USP15: variants seen among roughly 807,000 people sequenced by gnomAD.
USP15 encodes ubiquitin specific peptidase 15.
USP15 carries 18 observed loss-of-function variants against 127.1 expected under a neutral mutation model. The observed-to-expected ratio is 0.14, with a 90% CI of 0.10 to 0.21. The LOEUF is 0.21. Among genes scored for constraint, USP15 ranks in the 10% least tolerant of loss-of-function variants. USP15 has a pLI of 1.00. For synonymous variants in USP15, 364 were observed against 393.7 expected (o/e 0.92, Z 0.89); for missense variants, 805 against 1,159.9 (o/e 0.69, Z 4.44).
intron 1 of USP15, among the ~76,000 whole-genome samples, chr12:62,277,973 G>A (rs986435430): frequency 3.3e-5 from 5 of 152,000 alleles, no homozygotes; most frequent in African/African-American, 1.2e-4. Context: ...TGTTTTAAAT[G>A]TTTTTGACTC....
rs146096027 is a variant in USP15, at chr12:62,264,902, C to T, written c.89+4399C>T. The stretch of plus-strand genomic sequence containing the variant: ...TACGACCAGAGTAGGGTATATACTA[C>T]ATCATTTATAGGAAATGAAACTAAA... On this transcript the variant is annotated intron_variant, in intron 1 of 21. Coordinates refer to ENST00000280377, the MANE Select transcript of USP15 (RefSeq NM_001252078.2). Among the ~76,000 whole-genome samples the T allele has an allele frequency of 4.5e-3, 691 of 152,250 alleles. 6 individuals carry two copies. Among genetic ancestry groups the T allele is most frequent in the African/African-American group, 0.015 (638 of 41,528 alleles).
At chr12:62,403,564 G>A (rs1257977343) in intron 21 of USP15, among the ~76,000 whole-genome samples, 1 of 152,082 alleles carries the variant, frequency 6.6e-6, no homozygotes, top group Non-Finnish European at 1.5e-5. Flanking sequence ...GAGTTGAGAA[G>A]TGTGCATGAG....
rs1294380769 is a variant in USP15, at chr12:62,410,631, A to C, written c.*6256A>C. 1 of 152,160 alleles carries C rather than the reference A, an allele frequency of 6.6e-6. No individual in the cohort carries two copies. The highest frequency in any genetic ancestry group is 1.5e-5 in the Non-Finnish European group (1 of 68,014). The allele number at this position is 152,160 out of a possible 1,614,324, so 9.4% of individuals were successfully genotyped here. Reference sequence around the variant, plus strand: ...ATATGGTAGGAAACATTCTACACTTACAACAACTTCCACCATAGCTAGCTC... The same window carrying C: ...ATATGGTAGGAAACATTCTACACTTCCAACAACTTCCACCATAGCTAGCTC... On this transcript the variant is annotated 3_prime_UTR_variant, in exon 22 of 22. Transcript: ENST00000280377.
chr12:62,318,485 C>T (rs1020960858), intron 4 of USP15, among the ~76,000 whole-genome samples: 4 of 152,168 alleles, frequency 2.6e-5, no homozygotes, highest in Non-Finnish European at 5.9e-5. Context: ...TTCTCACTGG[C>T]TGCATCTTGT....
chr12:62,328,201 T>A (rs190724556), intron 6 of USP15: 2 of 377,546 alleles, frequency 5.3e-6, no homozygotes, highest in African/African-American at 4.2e-5. Context: ...ACTGAGAAAA[T>A]TCAGCAAGGT....
intron 20 of USP15, among the ~76,000 whole-genome samples, chr12:62,400,706 A>G (rs141264099): frequency 7.6e-4 from 115 of 152,198 alleles, no homozygotes; most frequent in African/African-American, 2.6e-3. Context: ...ATTTCAAACT[A>G]TGAAGTCAGA....
chr12:62,401,339 T>A (rs1460850497), intron 21 of USP15, 64 bp downstream of exon 21: 5 of 1,277,898 alleles, frequency 3.9e-6, no homozygotes, highest in Non-Finnish European at 4.4e-6. Flanking sequence ...GAATATAAAT[T>A]AATAAAAGGG....
In USP15 at chr12:62,375,497, A is replaced by G. The variant is rs561016355; in HGVS notation, c.916-5993A>G. On this transcript the variant is annotated intron_variant, in intron 8 of 21. Coordinates refer to ENST00000280377, the MANE Select transcript of USP15 (RefSeq NM_001252078.2). ...GATATTGTGATAGACCCTGAGGTAC[A>G]AGGGTGAATAAGACATAGACTCTGC... Among the ~76,000 whole-genome samples the G allele has an allele frequency of 1.1e-3, 174 of 152,274 alleles. 1 individual carries two copies. Among genetic ancestry groups the G allele is most frequent in the South Asian group, 2.9e-3 (14 of 4,824 alleles).
At chr12:62,315,560 G>T (rs1226856803) in intron 4 of USP15, among the ~76,000 whole-genome samples, 2 of 152,024 alleles carry the variant, frequency 1.3e-5, no homozygotes, top group African/African-American at 4.8e-5. Context: ...TAAAACTCAA[G>T]AATTTTTAAA....
intron 1 of USP15, among the ~76,000 whole-genome samples, chr12:62,287,839 G>T (rs1019881706): frequency 1.3e-5 from 2 of 152,044 alleles, no homozygotes; most frequent in African/African-American, 4.8e-5. Flanking sequence ...ACCATTTATT[G>T]AATAGGGTCT....
chr12:62,356,749 G>C (rs1460513267), intron 8 of USP15, among the ~76,000 whole-genome samples: 2 of 151,936 alleles, frequency 1.3e-5, no homozygotes, highest in Non-Finnish European at 2.9e-5. Flanking sequence ...TAGACATAGA[G>C]ACAATTTAAA....
chr12:62,322,197 G>A (rs143466143), intron 5 of USP15, among the ~76,000 whole-genome samples: 1 of 152,002 alleles, frequency 6.6e-6, no homozygotes, highest in Non-Finnish European at 1.5e-5. Flanking sequence ...ATGCAATCTC[G>A]GCTCACTGCA....
chr12:62,380,503 ACT>A (rs781344000), intron 8 of USP15, among the ~76,000 whole-genome samples: 6 of 151,550 alleles, frequency 4.0e-5, no homozygotes, highest in Non-Finnish European at 7.4e-5. Context: ...GCTTCGAAAA[ACT>A]CTGATTTCCA....
In USP15 at chr12:62,381,619, A is replaced by G; in HGVS notation, c.1045A>G (p.Met349Val). 1 of 1,612,776 alleles carries G rather than the reference A, an allele frequency of 6.2e-7. No homozygotes were observed. Among genetic ancestry groups the G allele is most frequent in the East Asian group, 2.2e-5 (1 of 44,836 alleles). The change falls in exon 9 of 22, where the codon ATG becomes GTG. Residue 349 changes from methionine (M) to valine (V), a missense_variant. This residue lies in a region of USP15 where 84 missense variants were observed against 210.3 expected (regional missense o/e 0.40). Coordinates refer to ENST00000280377, the MANE Select transcript of USP15 (RefSeq NM_001252078.2). ...ATCTTATGCCGAACTGATCAAGCAA[A>G]TGTGGTCTGGAAAGTTTAGCTACGT... ...AKSYAELIKQ[M>V]WSGKFSYVTP... is the part of the protein sequence containing the mutation.
intron 1 of USP15, chr12:62,274,030 G>A (rs562335707): frequency 1.4e-4 from 21 of 152,164 alleles, no homozygotes; most frequent in African/African-American, 4.8e-4. Flanking sequence ...CTAGGCATCT[G>A]TTACATTTCT....
At chr12:62,376,301 T>C (rs988043771) in intron 8 of USP15, among the ~76,000 whole-genome samples, 3 of 152,122 alleles carry the variant, frequency 2.0e-5, no homozygotes, top group Non-Finnish European at 4.4e-5. Flanking sequence ...ATTGGAACTA[T>C]TAGTACAAAG....
intron 9 of USP15, among the ~76,000 whole-genome samples, 173 bp from the exon 10 acceptor site, chr12:62,383,667 A>T (rs1411171181): frequency 6.6e-6 from 1 of 151,932 alleles, no homozygotes; most frequent in African/African-American, 2.4e-5. Context: ...ATTTTTTGCC[A>T]CTCTGAAAAT....
intron 1 of USP15, among the ~76,000 whole-genome samples, chr12:62,281,186 T>C (rs961056193): frequency 6.6e-6 from 1 of 152,184 alleles, no homozygotes; most frequent in African/African-American, 2.4e-5. Flanking sequence ...TATATAAATG[T>C]ATTGAAATAA....
At chr12:62,330,457 C>T (rs1277219516) in intron 6 of USP15, among the ~76,000 whole-genome samples, 6 of 151,510 alleles carry the variant, frequency 4.0e-5, no homozygotes, top group Admixed American at 1.3e-4. Flanking sequence ...TGGTAACAGG[C>T]GCCTGTAACC....
Sources: allele counts gnomAD v4.1 joint callset (sites outside exome capture counted in the v4.1 genomes callset), GRCh38; gene constraint gnomAD v4.1.1; regional missense constraint gnomAD v4.1.1; transcripts MANE v1.5; gene names NCBI Gene and HGNC (gene_info 2026-07-23, HGNC 2026-07-21).